Variants in VPS13B observed in about 807,000 individuals in gnomAD.
VPS13B encodes the protein intermembrane lipid transfer protein VPS13B.
A neutral mutation model predicts 426.4 loss-of-function variants in VPS13B; 285 were observed. The ratio of observed to expected loss-of-function variants is 0.67; its 90% CI spans 0.61 to 0.74. VPS13B has a LOEUF of 0.74. Among genes scored for constraint, VPS13B ranks in the 30% least tolerant of loss-of-function variants. The probability of loss-of-function intolerance (pLI) is 0.00; values close to 1 mark genes in which losing one functional copy is unlikely to be tolerated. For missense variants in VPS13B, 4,537 were observed against 4,782.6 expected (o/e 0.95, Z 1.51); for synonymous variants, 1,676 against 1,676.4 (o/e 1.00, Z 0.01).
chr8:99,246,953 G>C (rs1307670682), intron 17 of VPS13B, among the ~76,000 whole-genome samples: 1 of 152,108 alleles, frequency 6.6e-6, no homozygotes, highest in African/African-American at 2.4e-5. Flanking sequence ...GAATTAGCTA[G>C]ATATTTTTGA....
At chr8:99,234,870 A>C (rs1344363661) in intron 17 of VPS13B, among the ~76,000 whole-genome samples, 2 of 152,214 alleles carry the variant, frequency 1.3e-5, no homozygotes, top group Non-Finnish European at 2.9e-5. Flanking sequence ...TAAAAGGAGA[A>C]ATAGAATGTT....
intron 30 of VPS13B, among the ~76,000 whole-genome samples, chr8:99,547,943 G>A (rs1380225416): frequency 2.0e-5 from 3 of 152,100 alleles, no homozygotes; most frequent in South Asian, 4.1e-4. Context: ...AGTATGTGAA[G>A]TTGAGACCAG....
chr8:99,169,790 A>T (rs1193444986), intron 15 of VPS13B, among the ~76,000 whole-genome samples: 5 of 152,052 alleles, frequency 3.3e-5, no homozygotes, highest in African/African-American at 1.2e-4. Context: ...TGTGAAACTT[A>T]AAAAAATTTG....
chr8:99,797,791 G>A (rs1812926899), intron 43 of VPS13B, among the ~76,000 whole-genome samples: 1 of 152,102 alleles, frequency 6.6e-6, no homozygotes, highest in Admixed American at 6.6e-5. Context: ...CTTATTCTAT[G>A]AAAATTTTTG....
At chr8:99,052,685 A>G (rs1260198524) in intron 3 of VPS13B, among the ~76,000 whole-genome samples, 1 of 151,786 alleles carries the variant, frequency 6.6e-6, no homozygotes, top group East Asian at 1.9e-4. Context: ...TTGGTAAGCT[A>G]TTAATTATTG....
chr8:99,028,957 C>T (rs1242224620), intron 2 of VPS13B, among the ~76,000 whole-genome samples: 2 of 144,842 alleles, frequency 1.4e-5, no homozygotes, highest in South Asian at 2.3e-4. Flanking sequence ...GGCTGCCGGA[C>T]GGAGGGGCTC....
At chr8:99,471,668 TATTAATA>T (rs1563748611) in intron 24 of VPS13B, among the ~76,000 whole-genome samples, 1 of 152,192 alleles carries the variant, frequency 6.6e-6, no homozygotes, top group Non-Finnish European at 1.5e-5. Context: ...AAGCCAGCTA[TATTAATA>T]ATTACATGAA....
intron 25 of VPS13B, among the ~76,000 whole-genome samples, chr8:99,500,314 G>C (rs117876605): frequency 6.6e-6 from 1 of 152,068 alleles, no homozygotes; most frequent in African/African-American, 2.4e-5. Flanking sequence ...AAAACAAAAC[G>C]TGTCTGAAGT....
At chr8:99,830,343 C>T (rs550185989) in intron 51 of VPS13B, among the ~76,000 whole-genome samples, 18 of 152,276 alleles carry the variant, frequency 1.2e-4, no homozygotes, top group Admixed American at 3.9e-4. Flanking sequence ...AGCGGCTTTG[C>T]GGGGCTGTGG....
At chr8:99,086,408 C>A (rs983384594) in intron 3 of VPS13B, among the ~76,000 whole-genome samples, 1 of 152,148 alleles carries the variant, frequency 6.6e-6, no homozygotes. Context: ...GTTCGAACTT[C>A]CTCCTTTAGC....
chr8:99,425,886 C>T (rs922380665), intron 21 of VPS13B, among the ~76,000 whole-genome samples: 1 of 152,090 alleles, frequency 6.6e-6, no homozygotes, highest in African/African-American at 2.4e-5. Flanking sequence ...GCAAAAATCA[C>T]AAGCATTCTG....
At chr8:99,259,548 C>T (rs1196785587) in intron 17 of VPS13B, among the ~76,000 whole-genome samples, 4 of 152,010 alleles carry the variant, frequency 2.6e-5, no homozygotes, top group Non-Finnish European at 5.9e-5. Flanking sequence ...AAAAGATAGA[C>T]CATTTCAAAA....
At position 99,577,548 on chromosome 8, in the gene VPS13B, T is replaced by C. The variant is rs1239050787; in HGVS notation, c.5135T>C (p.Phe1712Ser). 5 of 1,613,782 alleles carry C rather than the reference T, an allele frequency of 3.1e-6. No individual in the cohort carries two copies. Among genetic ancestry groups the C allele is most frequent in the East Asian group, 2.2e-5 (1 of 44,866 alleles). ...EVNITTNLDF[F>S]LSVAQVQLLH... ...AATATAACCACAAACCTGGACTTCTTCCTAAGTGTGGCTCAAGTTCAACTC... is the reference window on the plus strand; with the variant it reads ...AATATAACCACAAACCTGGACTTCTCCCTAAGTGTGGCTCAAGTTCAACTC... The change falls in exon 33 of 62, where the codon TTC (phenylalanine) becomes TCC (serine). Residue 1712 changes from phenylalanine (F) to serine (S), a missense_variant. Physicochemically the swap from Phe to Ser is radical, Grantham distance 155 (BLOSUM62 -2). Coordinates refer to ENST00000357162, the MANE Select transcript of VPS13B (RefSeq NM_152564.5).
At chr8:99,301,343 C>G (rs10104264) in intron 19 of VPS13B, among the ~76,000 whole-genome samples, 124,444 of 150,530 alleles carry the variant, frequency 0.83, 51,942 homozygotes, top group South Asian at 0.89. Context: ...GCGTAGGCTA[C>G]AGTTTAATGG....
chr8:99,563,862 A>G lies in VPS13B; in HGVS notation c.4949+7209A>G, dbSNP rs185352601. On this transcript the variant is annotated intron_variant, in intron 31 of 61. Coordinates refer to ENST00000357162, the MANE Select transcript of VPS13B (RefSeq NM_152564.5). The stretch of plus-strand genomic sequence containing the variant: ...CATTCAAATAAAAACAGAAAATTTT[A>G]GATCTGTTGTAGCTTAGTTCTGATG... Among the ~76,000 whole-genome samples, 9 of 152,360 alleles carry G rather than the reference A, an allele frequency of 5.9e-5. No homozygotes were observed. The East Asian group carries it at 1.7e-3, about 29-fold the overall frequency.
chr8:99,597,640 G>T (rs571137470), intron 33 of VPS13B, among the ~76,000 whole-genome samples: 101 of 152,078 alleles, frequency 6.6e-4, no homozygotes, highest in Middle Eastern at 3.4e-3. Context: ...ACCATGTGAT[G>T]ACAAACAAGA....
At chr8:99,409,530 G>C (rs1346726981) in intron 21 of VPS13B, among the ~76,000 whole-genome samples, 1 of 152,050 alleles carries the variant, frequency 6.6e-6, no homozygotes, top group Non-Finnish European at 1.5e-5. Context: ...TGTATACTTA[G>C]TGGATTTTTT....
chr8:99,821,370 AC>A lies in VPS13B; in HGVS notation c.9073del (p.Leu3025Ter). ...HKSVAIKLVH[N>X]LTSPKWKDGG... is the part of the protein sequence containing the mutation. Reference sequence around the variant, plus strand: ...TCAGTAGCAATTAAACTGGTCCATAACCTGACATCTCCAAAGTGGAAAGATG... The same window carrying A: ...TCAGTAGCAATTAAACTGGTCCATAACTGACATCTCCAAAGTGGAAAGATG... On this transcript the variant is annotated frameshift_variant, in exon 50 of 62. Transcript: ENST00000357162. LOFTEE classifies it high-confidence loss of function. The A allele has an allele frequency of 6.2e-7, 1 of 1,613,832 alleles. No individual in the cohort carries two copies. The highest frequency in any genetic ancestry group is 8.5e-7 in the Non-Finnish European group (1 of 1,179,818).
intron 21 of VPS13B, among the ~76,000 whole-genome samples, chr8:99,394,279 C>T (rs1185145862): frequency 1.3e-5 from 2 of 152,006 alleles, no homozygotes; most frequent in East Asian, 3.8e-4. Flanking sequence ...AAGTTCATCC[C>T]CAACAAGTTA....
Sources: gnomAD v4.1 joint callset for allele counts (sites outside exome capture counted in the v4.1 genomes callset) on GRCh38, gnomAD v4.1.1 for gene constraint, MANE v1.5 for transcripts, NCBI Gene and HGNC (gene_info 2026-07-23, HGNC 2026-07-21) for gene names.